Variants in TENM2 observed in about 807,000 individuals in gnomAD.
TENM2 encodes the protein teneurin-2.
TENM2 carries 52 observed loss-of-function variants against 245.2 expected under a neutral mutation model. The ratio of observed to expected loss-of-function variants is 0.21; its 90% CI spans 0.17 to 0.27. The LOEUF (loss-of-function observed/expected upper bound fraction) is 0.27, where lower values mean the gene tolerates loss of function less well. TENM2 is among the 10% of genes least tolerant of loss of function. The pLI is 1.00. For missense variants in TENM2, 3,046 were observed against 3,666.8 expected (o/e 0.83, Z 4.37); for synonymous variants, 1,363 against 1,438.9 (o/e 0.95, Z 1.19).
chr5:167,339,143 A>G (rs1757949549), intron 1 of TENM2, among the ~76,000 whole-genome samples: 1 of 152,222 alleles, frequency 6.6e-6, no homozygotes, highest in Non-Finnish European at 1.5e-5. Flanking sequence ...CCTAAAGTCT[A>G]AAGTCCAAAC....
At chr5:167,682,130 C>T (rs1484235903) in intron 2 of TENM2, among the ~76,000 whole-genome samples, 1 of 145,304 alleles carries the variant, frequency 6.9e-6, no homozygotes, top group Admixed American at 6.9e-5. Flanking sequence ...CCCTCCCTGC[C>T]TGCCTGCCTG....
intron 1 of TENM2, among the ~76,000 whole-genome samples, chr5:167,293,001 G>A (rs760518650): frequency 1.3e-5 from 2 of 152,176 alleles, no homozygotes; most frequent in African/African-American, 4.8e-5. Flanking sequence ...AGAAGTGTAG[G>A]TTGGATGAGC....
chr5:168,132,248 G>C lies in TENM2; in HGVS notation c.2422+5282G>C, dbSNP rs139503246. Among the ~76,000 whole-genome samples, 25 of 152,290 alleles carry C rather than the reference G, an allele frequency of 1.6e-4. 2 individuals are homozygous for C. In the East Asian group the frequency reaches 4.6e-3, roughly 28 times the overall value. ...AATAACGGCTTTACAAGCAGCAAGAGTCTCATCACTGGAAGCATTTGCTTT... is the reference window on the plus strand; with the variant it reads ...AATAACGGCTTTACAAGCAGCAAGACTCTCATCACTGGAAGCATTTGCTTT... On this transcript the variant is annotated intron_variant, in intron 12 of 28. Transcript: ENST00000518659.
intron 2 of TENM2, among the ~76,000 whole-genome samples, chr5:167,729,986 A>G (rs2150552541): frequency 6.6e-6 from 1 of 152,316 alleles, no homozygotes; most frequent in African/African-American, 2.4e-5. Context: ...TGCTCTTGAT[A>G]GTTAGAATTA....
At chr5:167,539,750 A>G (rs1485813173) in intron 2 of TENM2, among the ~76,000 whole-genome samples, 1 of 152,202 alleles carries the variant, frequency 6.6e-6, no homozygotes, top group African/African-American at 2.4e-5. Context: ...CATCCCTATT[A>G]TATCAAACAA....
chr5:167,665,759 G>A (rs568504045), intron 2 of TENM2, among the ~76,000 whole-genome samples: 15 of 152,158 alleles, frequency 9.9e-5, no homozygotes, highest in African/African-American at 3.6e-4. Context: ...TAATAAAATT[G>A]AATGTTTATT....
At chr5:167,588,722 T>G (rs1283337916) in intron 2 of TENM2, among the ~76,000 whole-genome samples, 1 of 152,184 alleles carries the variant, frequency 6.6e-6, no homozygotes, top group Non-Finnish European at 1.5e-5. Context: ...ATTACTGAAC[T>G]CATGGAAATG....
intron 1 of TENM2, among the ~76,000 whole-genome samples, chr5:167,285,365 T>C (rs1771276059): frequency 6.6e-6 from 1 of 152,216 alleles, no homozygotes; most frequent in Non-Finnish European, 1.5e-5. Context: ...TGTATCTTGG[T>C]TAAAACATCT....
At chr5:167,061,505 G>T in the TENM2 span, among the ~76,000 whole-genome samples, 3 of 152,126 alleles carry the variant, frequency 2.0e-5, no homozygotes, top group Non-Finnish European at 2.9e-5. Flanking sequence ...TATGCTCAAG[G>T]GTTGATGAAA....
intron 1 of TENM2, among the ~76,000 whole-genome samples, chr5:167,335,935 T>A (rs1399957505): frequency 6.6e-6 from 1 of 152,160 alleles, no homozygotes; most frequent in East Asian, 1.9e-4. Context: ...GCAGTCCTAA[T>A]AGAGATACTA....
intron 1 of TENM2, among the ~76,000 whole-genome samples, chr5:167,367,500 C>G (rs1760131334): frequency 6.6e-6 from 1 of 152,016 alleles, no homozygotes; most frequent in Non-Finnish European, 1.5e-5. Context: ...TATGTAAAAA[C>G]AGATGAACTT....
chr5:167,373,536 A>G (rs73369714), intron 1 of TENM2, among the ~76,000 whole-genome samples: 4,366 of 152,330 alleles, frequency 0.029, 213 homozygotes, highest in African/African-American at 0.099. Context: ...GACAAAAGAA[A>G]TCAGCATTAT....
At chr5:167,669,655 C>T (rs139920639) in intron 2 of TENM2, among the ~76,000 whole-genome samples, 4 of 152,076 alleles carry the variant, frequency 2.6e-5, no homozygotes, top group Non-Finnish European at 5.9e-5. Flanking sequence ...TGAACTTTTT[C>T]ACCTCCAACT....
At chr5:167,905,063 A>T (rs1262213251) in intron 3 of TENM2, among the ~76,000 whole-genome samples, 3 of 152,196 alleles carry the variant, frequency 2.0e-5, no homozygotes, top group African/African-American at 7.2e-5. Flanking sequence ...AAAACACATG[A>T]TCAGAAATGT....
At chr5:167,731,199 A>T (rs1265355011) in intron 2 of TENM2, among the ~76,000 whole-genome samples, 15 of 42,580 alleles carry the variant, frequency 3.5e-4, no homozygotes, top group African/African-American at 8.9e-4. Context: ...CCCTCCAGAC[A>T]GTTTTTTTTT....
Position 167,804,391 on chromosome 5 carries a change from T to C in TENM2, c.503-71595T>C, listed in dbSNP as rs564751900. Among the ~76,000 whole-genome samples, 10 of 152,222 alleles carry C rather than the reference T, an allele frequency of 6.6e-5. No homozygotes were observed. In the South Asian group the frequency reaches 2.1e-3, roughly 32 times the overall value. ...CATTCTATGCTGAGATCTGAGGGCG[T>C]AGAGCATGTTGTGGGTGGTAGAGAA... On this transcript the variant is annotated intron_variant, in intron 2 of 28. Transcript: ENST00000518659.
At chr5:168,059,767 C>T (rs1233631614) in intron 6 of TENM2, among the ~76,000 whole-genome samples, 1 of 152,094 alleles carries the variant, frequency 6.6e-6, no homozygotes, top group African/African-American at 2.4e-5. Context: ...CCTGGACATG[C>T]CATTGTTTTA....
At chr5:167,562,227 AAAATT>A (rs1773638215) in intron 2 of TENM2, among the ~76,000 whole-genome samples, 2 of 152,130 alleles carry the variant, frequency 1.3e-5, no homozygotes, top group Non-Finnish European at 2.9e-5. Context: ...CGTTTTTAGG[AAAATT>A]GAACATAGAG....
intron 13 of TENM2, among the ~76,000 whole-genome samples, chr5:168,182,398 T>C (rs1477264914): frequency 3.9e-5 from 6 of 152,188 alleles, no homozygotes; most frequent in African/African-American, 7.2e-5. Context: ...ACATTCATCA[T>C]CTCATTTCAC....
Sources: gnomAD v4.1 joint callset for allele counts (sites outside exome capture counted in the v4.1 genomes callset) on GRCh38, gnomAD v4.1.1 for gene constraint, MANE v1.5 for transcripts, NCBI Gene and HGNC (gene_info 2026-07-23, HGNC 2026-07-21) for gene names.